The following ACYP2 variants were observed in gnomAD, a reference collection of about 807,000 sequenced individuals.
ACYP2 encodes the protein acylphosphatase-2.
Under a neutral mutation model 11.2 loss-of-function variants are expected in ACYP2, and 12 were observed. The observed-to-expected ratio is 1.08, with a 90% CI of 0.69 to 1.74. ACYP2 has a LOEUF of 1.74. ACYP2 is among the 40% of genes most tolerant of loss of function. ACYP2 has a pLI of 0.00. For synonymous variants in ACYP2, 43 were observed against 32.2 expected (o/e 1.33, Z -1.13); for missense variants, 134 against 101.9 (o/e 1.31, Z -1.35).
At chr2:54,304,305 CTGAGTAA>C (rs1689836639) in intron 6 of ACYP2, among the ~76,000 whole-genome samples, 1 of 151,646 alleles carries the variant, frequency 6.6e-6, no homozygotes, top group Non-Finnish European at 1.5e-5. Flanking sequence ...CTACCACGTG[CTGAGTAA>C]TGAGGAAACA....
chr2:53,995,848 A>G (rs998605814), intron 2 of ACYP2, among the ~76,000 whole-genome samples: 1 of 151,938 alleles, frequency 6.6e-6, no homozygotes, highest in Non-Finnish European at 1.5e-5. Context: ...AAGACCCACA[A>G]TGGGCTGGGC....
At chr2:54,235,819 A>G (rs1453643007) in intron 6 of ACYP2, among the ~76,000 whole-genome samples, 1 of 152,204 alleles carries the variant, frequency 6.6e-6, no homozygotes, top group African/African-American at 2.4e-5. Flanking sequence ...GAGCAATGAG[A>G]GTGAGACCCT....
intron 6 of ACYP2, among the ~76,000 whole-genome samples, chr2:54,288,808 G>A (rs1689187667): frequency 6.6e-6 from 1 of 151,968 alleles, no homozygotes; most frequent in African/African-American, 2.4e-5. Flanking sequence ...GAAATAGTGT[G>A]TAATTAGAAG....
At chr2:54,139,017 T>C (rs1681442750) in intron 6 of ACYP2, among the ~76,000 whole-genome samples, 1 of 152,212 alleles carries the variant, frequency 6.6e-6, no homozygotes, top group South Asian at 2.1e-4. Flanking sequence ...CAGATTTTGT[T>C]TGTAGATTAC....
intron 4 of ACYP2, among the ~76,000 whole-genome samples, chr2:54,125,873 G>A (rs983043796): frequency 2.6e-5 from 4 of 152,258 alleles, no homozygotes; most frequent in African/African-American, 9.6e-5. Flanking sequence ...TTGAGGTCAG[G>A]CATTCAAGAC....
At chr2:54,012,553 C>G (rs1325999277) in intron 2 of ACYP2, among the ~76,000 whole-genome samples, 1 of 152,170 alleles carries the variant, frequency 6.6e-6, no homozygotes. Context: ...GTATTTGTCT[C>G]TCTGCTCTCC....
intron 6 of ACYP2, among the ~76,000 whole-genome samples, chr2:54,279,900 G>C (rs1257220753): frequency 6.6e-6 from 1 of 152,160 alleles, no homozygotes; most frequent in African/African-American, 2.4e-5. Context: ...ACAGATTACA[G>C]AATAGGTATC....
chr2:54,258,564 C>A (rs969563802), intron 6 of ACYP2, among the ~76,000 whole-genome samples: 4 of 152,116 alleles, frequency 2.6e-5, no homozygotes, highest in African/African-American at 9.7e-5. Flanking sequence ...CAAAATCTGA[C>A]TTAAGTTTTG....
intron 2 of ACYP2, among the ~76,000 whole-genome samples, chr2:54,017,633 C>T (rs186144978): frequency 3.8e-4 from 58 of 152,254 alleles, no homozygotes; most frequent in African/African-American, 1.4e-3. Flanking sequence ...ATTTCTGATA[C>T]TATTGCATTC....
At chr2:54,153,013 GT>G (rs1682252988) in intron 6 of ACYP2, among the ~76,000 whole-genome samples, 1 of 152,022 alleles carries the variant, frequency 6.6e-6, no homozygotes, top group Non-Finnish European at 1.5e-5. Flanking sequence ...TTTTAAAAAT[GT>G]ATTTTTTCAA....
intron 4 of ACYP2, among the ~76,000 whole-genome samples, chr2:54,109,211 C>A (rs1178304786): frequency 6.6e-6 from 1 of 152,108 alleles, no homozygotes; most frequent in Non-Finnish European, 1.5e-5. Flanking sequence ...GCACATATAC[C>A]ATGGAATACT....
chr2:54,071,881 C>T lies in ACYP2; in HGVS notation c.277+14521C>T, dbSNP rs868815556. ...CAAAACTTAGGTGGGCATGGTGGCG[C>T]GCACCTGTAATCCCAGCTACTTAGG... On this transcript the variant is annotated intron_variant, in intron 4 of 6. Coordinates refer to ENST00000607452, the MANE Select transcript of ACYP2 (RefSeq NM_001320586.2). Among the ~76,000 whole-genome samples the T allele has an allele frequency of 4.3e-4, 65 of 152,084 alleles. 1 individual carries two copies. Among genetic ancestry groups the T allele is most frequent in the Admixed American group, 6.5e-4 (10 of 15,268 alleles).
At chr2:53,976,868 A>AAAATG (rs1671520783) in intron 2 of ACYP2, among the ~76,000 whole-genome samples, 1 of 152,318 alleles carries the variant, frequency 6.6e-6, no homozygotes, top group Non-Finnish European at 1.5e-5. Flanking sequence ...TCATTTCACT[A>AAAATG]AAATGTAGCC....
At chr2:54,216,307 C>T (rs1254806910) in intron 6 of ACYP2, among the ~76,000 whole-genome samples, 2 of 152,070 alleles carry the variant, frequency 1.3e-5, no homozygotes, top group Non-Finnish European at 2.9e-5. Flanking sequence ...TTGAGCAAAA[C>T]CCCTCTTTTT....
chr2:54,197,959 ATTGTATTG>A (rs1558605390), intron 6 of ACYP2, among the ~76,000 whole-genome samples: 14 of 49,220 alleles, frequency 2.8e-4, no homozygotes, highest in Non-Finnish European at 4.9e-4. Context: ...ATTGTATTGT[ATTGTATTG>A]TATTGTATTG....
At chr2:53,971,612 C>T (rs989822696) in intron 1 of ACYP2, among the ~76,000 whole-genome samples, 1 of 152,210 alleles carries the variant, frequency 6.6e-6, no homozygotes, top group Non-Finnish European at 1.5e-5. Flanking sequence ...GGTTTCCGCC[C>T]TCCCAAGGAC....
chr2:54,155,881 C>G (rs1572865395), intron 6 of ACYP2, among the ~76,000 whole-genome samples: 1 of 152,154 alleles, frequency 6.6e-6, no homozygotes, highest in African/African-American at 2.4e-5. Context: ...AAGATTTCTC[C>G]TGTTACTGAG....
At chr2:54,172,245 A>G (rs1452862321) in intron 6 of ACYP2, among the ~76,000 whole-genome samples, 1 of 152,108 alleles carries the variant, frequency 6.6e-6, no homozygotes, top group Non-Finnish European at 1.5e-5. Flanking sequence ...TATTCCTTCT[A>G]ACCATGGTCA....
intron 2 of ACYP2, among the ~76,000 whole-genome samples, chr2:54,015,102 C>T (rs1673606860): frequency 1.3e-5 from 2 of 152,174 alleles, no homozygotes; most frequent in South Asian, 4.1e-4. Flanking sequence ...CGTGGTAGCT[C>T]ATGCCTGTAA....
Sources: gnomAD v4.1 joint callset for allele counts (sites outside exome capture counted in the v4.1 genomes callset) on GRCh38, gnomAD v4.1.1 for gene constraint, MANE v1.5 for transcripts, NCBI Gene and HGNC (gene_info 2026-07-23, HGNC 2026-07-21) for gene names.